The following RHOJ variants were observed in gnomAD, a reference collection of about 807,000 sequenced individuals.
RHOJ encodes ras homolog family member J, also known as rho-related GTP-binding protein RhoJ.
In RHOJ, 11 loss-of-function variants were observed where a neutral mutation model predicts 23.4. That is an observed-to-expected ratio of 0.47 (90% CI 0.30 to 0.78). RHOJ has a LOEUF of 0.78. Among genes scored for constraint, RHOJ ranks in the 30% least tolerant of loss-of-function variants. RHOJ has a pLI of 0.08. For missense variants in RHOJ, 254 were observed against 273.4 expected (o/e 0.93, Z 0.50); for synonymous variants, 102 against 102.7 (o/e 0.99, Z 0.04).
chr14:63,241,138 TC>T (rs1381373661), intron 1 of RHOJ, among the ~76,000 whole-genome samples: 1 of 152,222 alleles, frequency 6.6e-6, no homozygotes, highest in Non-Finnish European at 1.5e-5. Flanking sequence ...CAGGGAAAAG[TC>T]CAGTGCAGTG....
At chr14:63,243,036 T>C (rs1030651925) in intron 1 of RHOJ, among the ~76,000 whole-genome samples, 2 of 152,220 alleles carry the variant, frequency 1.3e-5, no homozygotes, top group African/African-American at 4.8e-5. Flanking sequence ...ATTGTAGGCA[T>C]AGGAAAGTGG....
At chr14:63,252,175 G>A (rs1163638955) in intron 1 of RHOJ, among the ~76,000 whole-genome samples, 3 of 152,130 alleles carry the variant, frequency 2.0e-5, no homozygotes, top group African/African-American at 7.2e-5. Context: ...GGCTCCAGGG[G>A]AGAATTCATT....
chr14:63,262,173 C>A (rs953672488), intron 1 of RHOJ, among the ~76,000 whole-genome samples: 6 of 152,196 alleles, frequency 3.9e-5, no homozygotes, highest in Admixed American at 2.0e-4. Context: ...GACAGCCAAC[C>A]CAATGAGGAA....
intron 1 of RHOJ, among the ~76,000 whole-genome samples, chr14:63,246,596 T>C (rs1259171127): frequency 1.3e-5 from 2 of 152,196 alleles, no homozygotes; most frequent in Non-Finnish European, 2.9e-5. Context: ...GCCTACAAGG[T>C]AAGCATGCCA....
chr14:63,271,947 T>G (rs1895478608), intron 2 of RHOJ, among the ~76,000 whole-genome samples: 1 of 152,194 alleles, frequency 6.6e-6, no homozygotes. Context: ...CACCATACTT[T>G]GAGAGCCACT....
At chr14:63,224,010 A>T (rs1286250526) in intron 1 of RHOJ, among the ~76,000 whole-genome samples, 2 of 152,178 alleles carry the variant, frequency 1.3e-5, no homozygotes, top group Non-Finnish European at 2.9e-5. Context: ...TCTTGATAAC[A>T]TAGCGCTCCA....
At chr14:63,242,157 G>A (rs1321286261) in intron 1 of RHOJ, among the ~76,000 whole-genome samples, 2 of 152,208 alleles carry the variant, frequency 1.3e-5, no homozygotes, top group Non-Finnish European at 2.9e-5. Flanking sequence ...GTGTAGTTGT[G>A]TCTCAAAGAA....
intron 1 of RHOJ, among the ~76,000 whole-genome samples, chr14:63,268,248 T>A (rs1895403168): frequency 6.6e-6 from 1 of 152,156 alleles, no homozygotes; most frequent in African/African-American, 2.4e-5. Flanking sequence ...TGCTCTTTCC[T>A]TTCACGAAAA....
At chr14:63,225,774 CT>C (rs1448288271) in intron 1 of RHOJ, among the ~76,000 whole-genome samples, 5 of 152,064 alleles carry the variant, frequency 3.3e-5, no homozygotes, top group East Asian at 1.9e-4. Context: ...TAAAAATATA[CT>C]TTTTTTTGAA....
At chr14:63,219,564 T>A (rs1010705816) in intron 1 of RHOJ, among the ~76,000 whole-genome samples, 2 of 152,300 alleles carry the variant, frequency 1.3e-5, no homozygotes, top group Admixed American at 6.5e-5. Context: ...ACACCTATAA[T>A]CCCAGCACTT....
chr14:63,236,465 T>TGGTGTTAGGCAAAGAG (rs1894790997), intron 1 of RHOJ, among the ~76,000 whole-genome samples: 1 of 152,150 alleles, frequency 6.6e-6, no homozygotes, highest in East Asian at 1.9e-4. Context: ...CCTACGTGGA[T>TGGTGTTAGGCAAAGAG]GGTGTTAGGC....
At chr14:63,238,074 G>A (rs756964885) in intron 1 of RHOJ, among the ~76,000 whole-genome samples, 25 of 152,254 alleles carry the variant, frequency 1.6e-4, no homozygotes, top group Non-Finnish European at 2.4e-4. Context: ...AGTAGATCAC[G>A]GCTTAACATG....
intron 2 of RHOJ, among the ~76,000 whole-genome samples, chr14:63,275,484 C>A (rs1394417423): frequency 6.6e-6 from 1 of 152,126 alleles, no homozygotes; most frequent in Non-Finnish European, 1.5e-5. Context: ...CTAACACTTT[C>A]TCTGAACTTT....
intron 1 of RHOJ, among the ~76,000 whole-genome samples, chr14:63,250,406 T>G (rs1427942501): frequency 6.6e-6 from 1 of 152,066 alleles, no homozygotes; most frequent in African/African-American, 2.4e-5. Flanking sequence ...GCCCTGCTAA[T>G]CTTTGTAATT....
At chr14:63,241,158 G>T (rs548125488) in intron 1 of RHOJ, among the ~76,000 whole-genome samples, 1 of 152,214 alleles carries the variant, frequency 6.6e-6, no homozygotes, top group Non-Finnish European at 1.5e-5. Flanking sequence ...TGGAGGCCAC[G>T]CCATACGCGC....
intron 2 of RHOJ, among the ~76,000 whole-genome samples, chr14:63,280,198 AT>A (rs1227693914): frequency 6.6e-6 from 1 of 151,904 alleles, no homozygotes; most frequent in Non-Finnish European, 1.5e-5. Flanking sequence ...TAATTTTAGT[AT>A]TTTTTTGTAG....
Position 63,209,542 on chromosome 14 carries a change from GCA to G in RHOJ, c.178+4507_178+4508del, listed in dbSNP as rs202148338. Among the ~76,000 whole-genome samples, 487 of 152,064 alleles carry G rather than the reference GCA, an allele frequency of 3.2e-3. 3 individuals are homozygous for G. Among genetic ancestry groups the G allele is most frequent in the African/African-American group, 0.011 (459 of 41,492 alleles). On this transcript the variant is annotated intron_variant, in intron 1 of 4. Transcript: ENST00000316754. The stretch of plus-strand genomic sequence containing the variant: ...CACATTATTTAATGCATGTGTGCTT[GCA>G]CACACACACACTCTCTTTCTCTCTT...
rs372167523 is a variant in RHOJ, at chr14:63,291,465, C to T, written c.*441C>T. 1.1e-4 allele frequency: 26 copies of T among 228,738 alleles called. No homozygotes were observed. In the East Asian group the frequency reaches 1.8e-3, roughly 16 times the overall value. 14.2% of individuals were successfully genotyped at this position (228,738 alleles called of 1,614,324 possible). ...ATACTAACCTTTTTTTCTGAATCTG[C>T]TGTTCTACCCATGTGTCTCACATTC... On this transcript the variant is annotated 3_prime_UTR_variant, in exon 5 of 5. Transcript: ENST00000316754.
At chr14:63,285,199 C>T (rs1882041239) in intron 4 of RHOJ, among the ~76,000 whole-genome samples, 1 of 152,166 alleles carries the variant, frequency 6.6e-6, no homozygotes, top group Non-Finnish European at 1.5e-5. Context: ...ACAGCAACCC[C>T]CTGAGGTGTG....
Sources: gnomAD v4.1 joint callset for allele counts (sites outside exome capture counted in the v4.1 genomes callset) on GRCh38, gnomAD v4.1.1 for gene constraint, MANE v1.5 for transcripts, NCBI Gene and HGNC (gene_info 2026-07-23, HGNC 2026-07-21) for gene names.